Variants in PAAF1 observed in about 807,000 individuals in gnomAD.
The protein encoded by PAAF1 is proteasomal ATPase associated factor 1.
In PAAF1, 46 loss-of-function variants were observed where a neutral mutation model predicts 52.8. The observed-to-expected ratio is 0.87, with a 90% confidence interval of 0.69 to 1.11. The LOEUF is 1.11. Among genes scored for constraint, PAAF1 ranks in the 50% most tolerant of loss-of-function variants. The pLI is 0.00. For synonymous variants in PAAF1, 178 were observed against 172.8 expected (o/e 1.03, Z -0.24); for missense variants, 424 against 477.4 (o/e 0.89, Z 1.04).
intron 3 of PAAF1, chr11:73,889,116 T>C (rs1278608862): frequency 7.9e-7 from 1 of 1,266,296 alleles, no homozygotes. Flanking sequence ...CCTACGTTTT[T>C]CCCAGGTGTT....
chr11:73,918,057 C>T (rs1014258512), intron 9 of PAAF1, among the ~76,000 whole-genome samples: 1 of 152,096 alleles, frequency 6.6e-6, no homozygotes, highest in Non-Finnish European at 1.5e-5. Context: ...AAATGAGAAA[C>T]ATTGGGTCTT....
At position 73,909,502 on chromosome 11, in the gene PAAF1, A is replaced by C. The variant is rs1219053990; in HGVS notation, c.636A>C (p.Gly212=). Residue 212 remains glycine, a synonymous_variant, in exon 7 of 12, where the codon GGA becomes GGC. Coordinates refer to ENST00000310571, the MANE Select transcript of PAAF1 (RefSeq NM_025155.3). ...LWDCGRSACL[G]VLADCGSSIN... is the part of the protein sequence containing the mutation. The stretch of plus-strand genomic sequence containing the variant: ...ATTGTGGGCGCTCAGCCTGCTTGGG[A>C]GTCCTTGCAGATTGTGGTTCTTCTA... 1 of 1,614,128 alleles carries C rather than the reference A, an allele frequency of 6.2e-7. No individual in the cohort carries two copies. The highest frequency in any genetic ancestry group is 1.7e-5 in the Admixed American group (1 of 60,006).
intron 5 of PAAF1, 49 bp from the exon 6 acceptor site, chr11:73,900,221 C>G: frequency 1.3e-6 from 2 of 1,539,060 alleles, no homozygotes; most frequent in Non-Finnish European, 1.8e-6. Context: ...AAGAGAACAT[C>G]AAGGGATGGA....
At chr11:73,885,600 G>A (rs895024406) in intron 2 of PAAF1, among the ~76,000 whole-genome samples, 24 of 151,622 alleles carry the variant, frequency 1.6e-4, no homozygotes, top group African/African-American at 5.1e-4. Flanking sequence ...CCAGCACTTC[G>A]GGAGGTTGAG....
intron 3 of PAAF1, chr11:73,889,110 C>T (rs1356060703): frequency 1.9e-5 from 23 of 1,201,450 alleles, no homozygotes; most frequent in South Asian, 1.6e-4. Context: ...TGCAAGCCTA[C>T]GTTTTTCCCA....
intron 1 of PAAF1, chr11:73,877,340 A>T (rs76764350): frequency 1.8e-5 from 6 of 327,234 alleles, no homozygotes; most frequent in Non-Finnish European, 3.3e-5. Flanking sequence ...ACTGGGAGGC[A>T]GGAAGGCTTT....
At chr11:73,889,287 C>T (rs1591053531) in intron 3 of PAAF1, 1 of 1,183,664 alleles carries the variant, frequency 8.4e-7, no homozygotes, top group Non-Finnish European at 1.1e-6. Context: ...TCCTAACTGC[C>T]ATGAGTCACT....
Position 73,918,933 on chromosome 11 carries a change from C to A in PAAF1, c.936-17C>A. On this transcript the variant is annotated splice_polypyrimidine_tract_variant and intron_variant, in intron 9 of 11. Transcript: ENST00000310571. ...TTGAAGAAAGAAAGTAAAATTTCCC[C>A]TTTCTCTGAATCCTAGGGCTCCGGT... The A allele has an allele frequency of 6.2e-7, 1 of 1,608,246 alleles. No homozygotes were observed. The highest frequency in any genetic ancestry group is 8.5e-7 in the Non-Finnish European group (1 of 1,175,780).
chr11:73,922,875 CTT>C lies in PAAF1; in HGVS notation c.1019-1738_1019-1737del, dbSNP rs1051274494. ...ATGATTTTTGAGGTCCTTTGGAACTCTTTGATTATTAGTGAGGAGATTTAAGT... is the reference window on the plus strand; with the variant it reads ...ATGATTTTTGAGGTCCTTTGGAACTCTGATTATTAGTGAGGAGATTTAAGT... On this transcript the variant is annotated intron_variant, in intron 10 of 11. Transcript: ENST00000310571. 8.6e-5 allele frequency among the ~76,000 whole-genome samples: 13 copies of C among 150,648 alleles called. 1 individual carries two copies. Among genetic ancestry groups the C allele is most frequent in the Admixed American group, 7.3e-4 (11 of 15,164 alleles).
chr11:73,894,773 G>A (rs1184564417), intron 4 of PAAF1, among the ~76,000 whole-genome samples: 1 of 152,138 alleles, frequency 6.6e-6, no homozygotes, highest in Non-Finnish European at 1.5e-5. Context: ...GCAGTGAGCC[G>A]AGGTTGCGCC....
At chr11:73,881,319 C>G (rs757496724) in intron 2 of PAAF1, among the ~76,000 whole-genome samples, 20 of 152,284 alleles carry the variant, frequency 1.3e-4, no homozygotes, top group South Asian at 4.1e-4. Flanking sequence ...CAGAATCTAG[C>G]TCTGTCACCT....
At chr11:73,883,093 G>T (rs1010622398) in intron 2 of PAAF1, among the ~76,000 whole-genome samples, 6 of 152,098 alleles carry the variant, frequency 3.9e-5, no homozygotes, top group Admixed American at 3.9e-4. Flanking sequence ...TAGAGACAAG[G>T]TCTCACTATG....
At chr11:73,885,671 G>A (rs1026789432) in intron 2 of PAAF1, among the ~76,000 whole-genome samples, 6 of 151,008 alleles carry the variant, frequency 4.0e-5, no homozygotes, top group East Asian at 2.0e-4. Context: ...GTGAAACCCC[G>A]TCTCTACTAA....
chr11:73,879,902 G>A (rs1230579139), intron 2 of PAAF1: 1 of 151,700 alleles, frequency 6.6e-6, no homozygotes, highest in Non-Finnish European at 1.5e-5. Context: ...GTTTATATCA[G>A]TGGAATAAAG....
At chr11:73,920,513 A>C (rs951935529) in intron 10 of PAAF1, among the ~76,000 whole-genome samples, 3 of 151,934 alleles carry the variant, frequency 2.0e-5, no homozygotes, top group Admixed American at 2.0e-4. Context: ...CTGGGTGACA[A>C]AGCGAGACTC....
intron 3 of PAAF1, chr11:73,889,356 A>G (rs1949142845): frequency 1.6e-6 from 1 of 615,190 alleles, no homozygotes; most frequent in Non-Finnish European, 2.4e-6. Flanking sequence ...ATTATGCTTA[A>G]ATGTCTAACC....
At chr11:73,908,550 A>T (rs891185643) in intron 6 of PAAF1, among the ~76,000 whole-genome samples, 6 of 151,420 alleles carry the variant, frequency 4.0e-5, no homozygotes, top group Admixed American at 4.0e-4. Flanking sequence ...GATTACAGGC[A>T]CGAGCCACCA....
chr11:73,927,158 T>C, intron 11 of PAAF1, 127 bp from the exon 12 acceptor site: 1 of 700,348 alleles, frequency 1.4e-6, no homozygotes, highest in Non-Finnish European at 2.5e-6. Context: ...ATTATGGATG[T>C]AATTCTGTTG....
At chr11:73,916,232 A>G (rs2135217450) in intron 8 of PAAF1, among the ~76,000 whole-genome samples, 1 of 152,250 alleles carries the variant, frequency 6.6e-6, no homozygotes, top group South Asian at 2.1e-4. Context: ...GTCATGAAAA[A>G]GGGGCAAAGA....
Sources: allele counts gnomAD v4.1 joint callset (sites outside exome capture counted in the v4.1 genomes callset), GRCh38; gene constraint gnomAD v4.1.1; transcripts MANE v1.5; gene names NCBI Gene and HGNC (gene_info 2026-07-23, HGNC 2026-07-21).